PIK3C2G: variants seen among roughly 807,000 people sequenced by gnomAD.
PIK3C2G encodes the protein phosphatidylinositol 3-kinase C2 domain-containing subunit gamma.
PIK3C2G carries 168 observed loss-of-function variants against 181.1 expected under a neutral mutation model. The ratio of observed to expected loss-of-function variants is 0.93; its 90% CI spans 0.82 to 1.05. PIK3C2G has a LOEUF of 1.05. Among genes scored for constraint, PIK3C2G ranks in the 50% least tolerant of loss-of-function variants. The probability of loss-of-function intolerance (pLI) is 0.00; values close to 1 mark genes in which losing one functional copy is unlikely to be tolerated. For synonymous variants in PIK3C2G, 573 were observed against 592.2 expected, an observed-to-expected ratio of 0.97 and a Z score of 0.47; for missense variants, 1,869 against 1,732.8, an observed-to-expected ratio of 1.08 and a Z score of -1.40.
intron 27 of PIK3C2G, among the ~76,000 whole-genome samples, 157 bp downstream of exon 27, chr12:18,563,049 C>G (rs571746863): frequency 1.3e-5 from 2 of 152,194 alleles, no homozygotes; most frequent in Non-Finnish European, 2.9e-5. Flanking sequence ...AGAGGATGTT[C>G]CAAGGAAAAA....
intron 24 of PIK3C2G, among the ~76,000 whole-genome samples, chr12:18,508,771 C>T (rs1270104248): frequency 1.3e-5 from 2 of 152,078 alleles, no homozygotes; most frequent in African/African-American, 2.4e-5. Flanking sequence ...TTTAATAACA[C>T]CCCCCATAAT....
At chr12:18,624,146 G>A (rs929510405) in intron 31 of PIK3C2G, among the ~76,000 whole-genome samples, 1 of 151,544 alleles carries the variant, frequency 6.6e-6, no homozygotes, top group Non-Finnish European at 1.5e-5. Flanking sequence ...TTTCCCCATT[G>A]AGTATGATGT....
At chr12:18,301,229 C>A (rs1950162568) in intron 5 of PIK3C2G, among the ~76,000 whole-genome samples, 1 of 151,980 alleles carries the variant, frequency 6.6e-6, no homozygotes, top group Admixed American at 6.6e-5. Context: ...TTTGAACTTC[C>A]TATATATAGA....
At chr12:18,582,374 A>G (rs917604874) in intron 29 of PIK3C2G, among the ~76,000 whole-genome samples, 6 of 152,110 alleles carry the variant, frequency 3.9e-5, no homozygotes, top group Non-Finnish European at 8.8e-5. Context: ...GGATCTTTGC[A>G]ACCCTTGGGT....
At chr12:18,722,804 C>T in the PIK3C2G span, among the ~76,000 whole-genome samples, 52 of 151,862 alleles carry the variant, frequency 3.4e-4, no homozygotes, top group African/African-American at 5.5e-4. Flanking sequence ...TATATATTTA[C>T]GAAATGTTGT....
the PIK3C2G span, chr12:18,701,858 T>G: frequency 1.3e-6 from 2 of 1,521,876 alleles, no homozygotes; most frequent in South Asian, 1.2e-5. Flanking sequence ...TGTTTCACTA[T>G]ATTTCCAATT....
intron 13 of PIK3C2G, among the ~76,000 whole-genome samples, chr12:18,377,057 C>A (rs1000892277): frequency 6.6e-6 from 1 of 152,244 alleles, no homozygotes; most frequent in Non-Finnish European, 1.5e-5. Flanking sequence ...GGGCTCTACT[C>A]TTGCACATGA....
intron 1 of PIK3C2G, among the ~76,000 whole-genome samples, chr12:18,254,136 TAGA>T (rs1948121183): frequency 6.6e-6 from 1 of 151,488 alleles, no homozygotes; most frequent in Non-Finnish European, 1.5e-5. Context: ...TTTAAAGAGT[TAGA>T]AGAATTTAAA....
chr12:18,368,921 T>G (rs764984236), intron 12 of PIK3C2G, among the ~76,000 whole-genome samples: 1 of 152,176 alleles, frequency 6.6e-6, no homozygotes, highest in Non-Finnish European at 1.5e-5. Flanking sequence ...GGGTAAAAAC[T>G]GCTCCCTAGG....
At chr12:18,606,383 A>T (rs1327407662) in intron 30 of PIK3C2G, among the ~76,000 whole-genome samples, 1 of 152,152 alleles carries the variant, frequency 6.6e-6, no homozygotes, top group Non-Finnish European at 1.5e-5. Context: ...TAGCACCTTT[A>T]TACCAAACAT....
At chr12:18,446,907 C>T (rs941785060) in intron 18 of PIK3C2G, among the ~76,000 whole-genome samples, 3 of 151,994 alleles carry the variant, frequency 2.0e-5, no homozygotes, top group Admixed American at 2.0e-4. Flanking sequence ...CTAGGCATCT[C>T]GCTATTTAAT....
At chr12:18,361,415 CT>C (rs1592061843) in intron 11 of PIK3C2G, among the ~76,000 whole-genome samples, 1 of 151,370 alleles carries the variant, frequency 6.6e-6, no homozygotes, top group East Asian at 1.9e-4. Context: ...TCCTTTGTTT[CT>C]TTAGCTAGGT....
chr12:18,682,577 A>G, the PIK3C2G span, among the ~76,000 whole-genome samples: 7 of 152,108 alleles, frequency 4.6e-5, no homozygotes, highest in Admixed American at 2.6e-4. Context: ...TATATTTAGT[A>G]TAGATTCAGA....
At chr12:18,246,474 A>G (rs1034656066), upstream of PIK3C2G, among the ~76,000 whole-genome samples, 19 of 152,114 alleles carry the variant, frequency 1.2e-4, 1 homozygote, top group Non-Finnish European at 2.9e-5. Flanking sequence ...ACAATTTTCA[A>G]AAACAAGCTT....
At chr12:18,704,356 G>T in the PIK3C2G span, among the ~76,000 whole-genome samples, 11 of 152,052 alleles carry the variant, frequency 7.2e-5, no homozygotes, top group Non-Finnish European at 8.8e-5. Flanking sequence ...AAGGAGTTTT[G>T]TTCTTTTTGC....
At chr12:18,625,341 C>T (rs1949049311) in intron 31 of PIK3C2G, among the ~76,000 whole-genome samples, 3 of 151,708 alleles carry the variant, frequency 2.0e-5, no homozygotes, top group Non-Finnish European at 4.4e-5. Flanking sequence ...AAAATTCCTC[C>T]TGTTACTGAT....
intron 24 of PIK3C2G, among the ~76,000 whole-genome samples, chr12:18,528,452 A>T (rs1943364141): frequency 6.6e-6 from 1 of 152,186 alleles, no homozygotes; most frequent in South Asian, 2.1e-4. Context: ...GTTAATAATA[A>T]AAACAAAATG....
chr12:18,586,282 G>A (rs1015552119), intron 29 of PIK3C2G, among the ~76,000 whole-genome samples: 1 of 152,036 alleles, frequency 6.6e-6, no homozygotes, highest in Non-Finnish European at 1.5e-5. Flanking sequence ...AATCAATCTA[G>A]GAGTTAATTT....
At chr12:18,281,588 A>C (rs1949220485) in intron 1 of PIK3C2G, among the ~76,000 whole-genome samples, 1 of 151,994 alleles carries the variant, frequency 6.6e-6, no homozygotes, top group African/African-American at 2.4e-5. Flanking sequence ...AAAGAGTTAA[A>C]ACTGTGTCTA....
Sources: allele counts gnomAD v4.1 joint callset (sites outside exome capture counted in the v4.1 genomes callset), GRCh38; gene constraint gnomAD v4.1.1; transcripts MANE v1.5; gene names NCBI Gene and HGNC (gene_info 2026-07-23, HGNC 2026-07-21).